Variants in SYNE1 observed in about 807,000 individuals in gnomAD.
SYNE1 encodes nesprin-1.
SYNE1 carries 616 observed loss-of-function variants against 1,111.0 expected under a neutral mutation model. That is an observed-to-expected ratio of 0.55 (90% CI 0.52 to 0.59). The LOEUF (loss-of-function observed/expected upper bound fraction) is 0.59, where lower values mean the gene tolerates loss of function less well. Among genes scored for constraint, SYNE1 ranks in the 20% least tolerant of loss-of-function variants. The pLI, the probability that SYNE1 is intolerant of heterozygous loss-of-function variation, is 0.00. For missense variants in SYNE1, 10,006 were observed against 10,417.0 expected (o/e 0.96, Z 1.72); for synonymous variants, 3,855 against 3,825.8 (o/e 1.01, Z -0.28).
chr6:152,400,044 T>C (rs113798370), intron 47 of SYNE1, among the ~76,000 whole-genome samples: 1 of 151,940 alleles, frequency 6.6e-6, no homozygotes, highest in Non-Finnish European at 1.5e-5. Context: ...TGGGAAGTAG[T>C]TAGGAGGTGA....
chr6:152,321,485 G>T, intron 83 of SYNE1, 95 bp from the exon 84 acceptor site: 1 of 1,447,712 alleles, frequency 6.9e-7, no homozygotes, highest in Non-Finnish European at 9.4e-7. Context: ...ATAATTAAGT[G>T]TGGAATTAGA....
At chr6:152,414,874 C>T (rs887900015) in intron 41 of SYNE1, among the ~76,000 whole-genome samples, 29 of 152,102 alleles carry the variant, frequency 1.9e-4, no homozygotes, top group Non-Finnish European at 4.0e-4. Context: ...GCTATTTTTT[C>T]TTCCCAAGTA....
At chr6:152,305,079 T>G (rs2095329584) in intron 91 of SYNE1, among the ~76,000 whole-genome samples, 1 of 152,138 alleles carries the variant, frequency 6.6e-6, no homozygotes, top group African/African-American at 2.4e-5. Flanking sequence ...CTGAAAATGT[T>G]TATAAAGGTA....
chr6:152,364,714 A>AAGGAAGGG (rs2097026120), intron 63 of SYNE1, 133 bp downstream of exon 63: 4 of 978,306 alleles, frequency 4.1e-6, no homozygotes, highest in Admixed American at 1.9e-5. Flanking sequence ...GGAAGGAAGG[A>AAGGAAGGG]AGGAAGGAAG....
At chr6:152,357,801 A>G (rs553926733) in intron 66 of SYNE1, among the ~76,000 whole-genome samples, 61 of 152,304 alleles carry the variant, frequency 4.0e-4, no homozygotes, top group African/African-American at 1.4e-3. Context: ...GAATGAGTAA[A>G]TAAGTATATA....
At chr6:152,480,323 C>G (rs1239970988) in intron 14 of SYNE1, among the ~76,000 whole-genome samples, 1 of 151,994 alleles carries the variant, frequency 6.6e-6, no homozygotes, top group Non-Finnish European at 1.5e-5. Context: ...GAGTTCAAGG[C>G]CAGCCTGGCC....
At chr6:152,480,301 A>G (rs2098881089) in intron 14 of SYNE1, among the ~76,000 whole-genome samples, 1 of 152,014 alleles carries the variant, frequency 6.6e-6, no homozygotes, top group African/African-American at 2.4e-5. Flanking sequence ...CAGGCGGATC[A>G]CTTGAGGTCA....
In SYNE1 at chr6:152,325,914, A is replaced by G. The variant is rs183349981; in HGVS notation, c.15438+44T>C. ...TGATCATGTTGCAAAGACTCATTAT[A>G]ATTATAGAAAAAGGATTTTTTTTAA... On this transcript the variant is annotated intron_variant, in intron 80 of 145. Coordinates refer to ENST00000367255, the MANE Select transcript of SYNE1 (RefSeq NM_182961.4). The G allele has an allele frequency of 4.5e-4, 730 of 1,610,564 alleles. 1 individual carries two copies. In the African/African-American group the frequency reaches 8.5e-3, roughly 19 times the overall value.
At position 152,311,290 on chromosome 6, in the gene SYNE1, C is replaced by T. The variant is rs1470686847; in HGVS notation, c.16711-417G>A. Reference sequence around the variant, plus strand: ...TTTTCAGCTCTCATATTCTATACGACTGAAGTTCATATTTGTCTAAGAAAT... The same window carrying T: ...TTTTCAGCTCTCATATTCTATACGATTGAAGTTCATATTTGTCTAAGAAAT... On this transcript the variant is annotated intron_variant, in intron 87 of 145. Coordinates refer to ENST00000367255, the MANE Select transcript of SYNE1 (RefSeq NM_182961.4). 8.9e-5 allele frequency: 18 copies of T among 201,258 alleles called. 1 individual carries two copies. In the East Asian group the frequency reaches 2.1e-3, roughly 23 times the overall value. The allele number at this position is 201,258 out of a possible 1,614,324, so 12.5% of individuals were successfully genotyped here.
intron 118 of SYNE1, 93 bp downstream of exon 118, chr6:152,221,333 T>C (rs766884645): frequency 4.2e-5 from 61 of 1,464,984 alleles, no homozygotes; most frequent in Non-Finnish European, 5.5e-5. Context: ...AGAATCTATA[T>C]AGCTCAAATT....
chr6:152,275,477 C>G (rs2093551020), intron 98 of SYNE1, among the ~76,000 whole-genome samples: 1 of 152,108 alleles, frequency 6.6e-6, no homozygotes, highest in Non-Finnish European at 1.5e-5. Flanking sequence ...TATCAAATTC[C>G]TTTACATACC....
intron 55 of SYNE1, among the ~76,000 whole-genome samples, chr6:152,382,762 A>G (rs932955307): frequency 1.3e-5 from 2 of 152,184 alleles, no homozygotes; most frequent in Admixed American, 6.5e-5. Context: ...AAGTTTCCCA[A>G]AATACTCTCT....
At chr6:152,340,523 T>C (rs559751249) in intron 74 of SYNE1, among the ~76,000 whole-genome samples, 5 of 152,278 alleles carry the variant, frequency 3.3e-5, no homozygotes, top group African/African-American at 1.2e-4. Context: ...CCACTCCCAG[T>C]TGTAACAACC....
intron 54 of SYNE1, among the ~76,000 whole-genome samples, chr6:152,386,768 G>A (rs532388221): frequency 3.3e-5 from 5 of 151,408 alleles, no homozygotes; most frequent in Admixed American, 1.3e-4. Context: ...CTTTAACGGC[G>A]ACATTTGATG....
At chr6:152,256,983 T>C (rs1409848239) in intron 101 of SYNE1, among the ~76,000 whole-genome samples, 1 of 150,948 alleles carries the variant, frequency 6.6e-6, no homozygotes, top group Non-Finnish European at 1.5e-5. Flanking sequence ...TTTTAAGCAG[T>C]GGAAAAAAAT....
intron 12 of SYNE1, among the ~76,000 whole-genome samples, chr6:152,486,196 A>T (rs9397515): frequency 0.2 from 29,858 of 151,388 alleles, 3,101 homozygotes; most frequent in Middle Eastern, 0.31. Context: ...TGACACTCTG[A>T]CTAAAAAAAA....
chr6:152,454,271 T>G (rs1304761644), intron 24 of SYNE1, among the ~76,000 whole-genome samples: 2 of 150,898 alleles, frequency 1.3e-5, no homozygotes, highest in Non-Finnish European at 2.9e-5. Context: ...CCAAATTGTG[T>G]TCTTCTTCAG....
intron 3 of SYNE1, among the ~76,000 whole-genome samples, chr6:152,555,870 T>C (rs2099363485): frequency 6.6e-6 from 1 of 152,168 alleles, no homozygotes; most frequent in African/African-American, 2.4e-5. Context: ...AAATTCCATG[T>C]AGAAAAACCA....
At chr6:152,476,193 T>C (rs899972706) in intron 14 of SYNE1, among the ~76,000 whole-genome samples, 1 of 152,174 alleles carries the variant, frequency 6.6e-6, no homozygotes, top group Non-Finnish European at 1.5e-5. Context: ...CTGAGCTCTC[T>C]TACCTATTGC....
Sources: gnomAD v4.1 joint callset for allele counts (sites outside exome capture counted in the v4.1 genomes callset) on GRCh38, gnomAD v4.1.1 for gene constraint, MANE v1.5 for transcripts, NCBI Gene and HGNC (gene_info 2026-07-23, HGNC 2026-07-21) for gene names.